TRMT11: variants seen among roughly 807,000 people sequenced by gnomAD.
TRMT11 encodes the protein tRNA methyltransferase 11, also known as tRNA (guanine(10)-N(2))-methyltransferase TRMT11.
In TRMT11, 53 loss-of-function variants were observed where a neutral mutation model predicts 62.8. The observed-to-expected ratio is 0.84, with a 90% CI of 0.68 to 1.06. The LOEUF is 1.06. Among genes scored for constraint, TRMT11 ranks in the 50% least tolerant of loss-of-function variants. The pLI is 0.00. For synonymous variants in TRMT11, 188 were observed against 190.3 expected, an observed-to-expected ratio of 0.99 and a Z score of 0.10; for missense variants, 556 against 553.4, an observed-to-expected ratio of 1.00 and a Z score of -0.05.
At chr6:125,996,089 A>G in intron 3 of TRMT11, 49 bp downstream of exon 3, 2 of 1,283,922 alleles carry the variant, frequency 1.6e-6, no homozygotes, top group South Asian at 2.4e-5. Context: ...TACTTCTCAT[A>G]ACCACTCAAT....
At chr6:126,253,018 A>G in the TRMT11 span, among the ~76,000 whole-genome samples, 1 of 152,192 alleles carries the variant, frequency 6.6e-6, no homozygotes, top group Admixed American at 6.5e-5. Context: ...CAGAATCTGA[A>G]CAAGAATGTA....
intron 21 of TRMT11, among the ~76,000 whole-genome samples, chr6:126,157,911 G>A (rs1778139423): frequency 6.6e-6 from 1 of 152,062 alleles, no homozygotes; most frequent in African/African-American, 2.4e-5. Flanking sequence ...TTGTGTACAT[G>A]TTAATGAATT....
intron 21 of TRMT11, among the ~76,000 whole-genome samples, chr6:126,157,874 G>A (rs1265107593): frequency 6.6e-6 from 1 of 151,826 alleles, no homozygotes; most frequent in Non-Finnish European, 1.5e-5. Flanking sequence ...AAAATAAAAT[G>A]CAGATACAGA....
intron 21 of TRMT11, among the ~76,000 whole-genome samples, chr6:126,157,993 A>G (rs1179701471): frequency 6.6e-6 from 1 of 152,154 alleles, no homozygotes; most frequent in Non-Finnish European, 1.5e-5. Context: ...AGCCACTCAT[A>G]AGCCCCTCTA....
chr6:126,128,557 A>G (rs1777743930), intron 21 of TRMT11, among the ~76,000 whole-genome samples: 1 of 152,076 alleles, frequency 6.6e-6, no homozygotes, highest in Non-Finnish European at 1.5e-5. Flanking sequence ...TAACTAGAGC[A>G]TGGTTATATG....
intron 21 of TRMT11, among the ~76,000 whole-genome samples, chr6:126,134,169 G>A (rs1335959227): frequency 3.3e-5 from 5 of 151,882 alleles, no homozygotes; most frequent in South Asian, 4.1e-4. Flanking sequence ...AACATTAAAT[G>A]TAAATGAACT....
chr6:126,084,976 A>G (rs1213171498), intron 17 of TRMT11, among the ~76,000 whole-genome samples: 2 of 152,156 alleles, frequency 1.3e-5, no homozygotes, highest in Non-Finnish European at 2.9e-5. Context: ...CTTTTGCTTA[A>G]AAGGTAAATA....
chr6:126,012,881 C>A (rs745737898), intron 10 of TRMT11, 29 bp downstream of exon 10: 1 of 1,608,880 alleles, frequency 6.2e-7, no homozygotes, highest in African/African-American at 1.3e-5. Context: ...TGATGTGTTA[C>A]TACCTTGAGA....
the TRMT11 span, among the ~76,000 whole-genome samples, chr6:126,226,761 T>G: frequency 3.3e-5 from 5 of 152,220 alleles, no homozygotes; most frequent in Admixed American, 2.0e-4. Context: ...AATATACATT[T>G]TTAATGGACT....
chr6:126,013,504 A>G (rs1218797908), intron 11 of TRMT11, among the ~76,000 whole-genome samples: 1 of 152,158 alleles, frequency 6.6e-6, no homozygotes, highest in Non-Finnish European at 1.5e-5. Flanking sequence ...CAAGCAGTCT[A>G]CCTGCCTCAG....
At chr6:126,026,881 C>A (rs1773244880) in intron 12 of TRMT11, among the ~76,000 whole-genome samples, 1 of 147,604 alleles carries the variant, frequency 6.8e-6, no homozygotes, top group South Asian at 2.1e-4. Context: ...CAGCGCACTG[C>A]AAGCTCCGCC....
intron 9 of TRMT11, among the ~76,000 whole-genome samples, chr6:126,012,047 A>G (rs1239027477): frequency 6.6e-6 from 1 of 152,186 alleles, no homozygotes; most frequent in Non-Finnish European, 1.5e-5. Context: ...ATTTGACAGT[A>G]AATCTGTAAA....
At position 126,050,268 on chromosome 6, in the gene TRMT11, T is replaced by C. The variant is rs1776176687; in HGVS notation, c.*1370-2855T>C. 2.0e-5 allele frequency among the ~76,000 whole-genome samples: 3 copies of C among 147,998 alleles called. No homozygotes were observed. The South Asian group carries it at 6.3e-4, about 31-fold the overall frequency. ...TCGCTTGAATCTGGGAGGCAGAGGTTGCAGTGAGCCAAGATTGTGCCACTG... is the reference window on the plus strand; with the variant it reads ...TCGCTTGAATCTGGGAGGCAGAGGTCGCAGTGAGCCAAGATTGTGCCACTG... On this transcript the variant is annotated intron_variant and NMD_transcript_variant, in intron 16 of 22. Coordinates refer to the TRMT11 transcript ENST00000648977.
chr6:126,162,075 T>A (rs1447930111), intron 21 of TRMT11, among the ~76,000 whole-genome samples: 1 of 152,230 alleles, frequency 6.6e-6, no homozygotes, highest in East Asian at 1.9e-4. Context: ...TTAGATCCTA[T>A]TTATCAATTT....
At chr6:126,057,231 C>G (rs941751362) in intron 17 of TRMT11, among the ~76,000 whole-genome samples, 5 of 152,202 alleles carry the variant, frequency 3.3e-5, no homozygotes, top group African/African-American at 1.2e-4. Context: ...TTCCTCTCAC[C>G]TAGTCCTCCA....
chr6:125,998,832 G>A, intron 6 of TRMT11, 148 bp downstream of exon 6: 1 of 720,786 alleles, frequency 1.4e-6, no homozygotes, highest in Non-Finnish European at 2.1e-6. Context: ...ATGTGATTAT[G>A]TTTTGTTTTG....
rs562231296 is a variant in TRMT11 at position 126,179,639 on chromosome 6, A to G, written n.143+2304A>G. On this transcript the variant is annotated intron_variant and non_coding_transcript_variant, in intron 1 of 3. Transcript: ENST00000444229. ...TATGGCATTTCTACCAAATAATATT[A>G]ACTAAAGTGCAAGAGCAGATAGGAT... 3.3e-5 allele frequency among the ~76,000 whole-genome samples: 5 copies of G among 152,330 alleles called. 1 individual carries two copies. In the South Asian group the frequency reaches 1.0e-3, roughly 32 times the overall value.
chr6:126,184,448 A>C (rs1256512904), intron 1 of TRMT11, among the ~76,000 whole-genome samples: 1 of 152,212 alleles, frequency 6.6e-6, no homozygotes, highest in Non-Finnish European at 1.5e-5. Context: ...TTGAACTGCT[A>C]TACTATGCCA....
At chr6:126,245,766 T>C in the TRMT11 span, among the ~76,000 whole-genome samples, 1 of 152,142 alleles carries the variant, frequency 6.6e-6, no homozygotes, top group East Asian at 1.9e-4. Context: ...AGTTTGGTGG[T>C]GGGTAGCTAG....
Sources: gnomAD v4.1 joint callset for allele counts (sites outside exome capture counted in the v4.1 genomes callset) on GRCh38, gnomAD v4.1.1 for gene constraint, MANE v1.5 for transcripts, NCBI Gene and HGNC (gene_info 2026-07-23, HGNC 2026-07-21) for gene names.